The following LRRC71 variants were observed in gnomAD, a reference collection of about 807,000 sequenced individuals.
LRRC71 encodes the protein leucine rich repeat containing 71.
Under a neutral mutation model 66.6 loss-of-function variants are expected in LRRC71, and 54 were observed. That is an observed-to-expected ratio of 0.81 (90% CI 0.65 to 1.02). The LOEUF (loss-of-function observed/expected upper bound fraction) is 1.02, where lower values mean the gene tolerates loss of function less well. LRRC71 is among the 50% of genes least tolerant of loss of function. The pLI is 0.00. For missense variants in LRRC71, 724 were observed against 718.0 expected (o/e 1.01, Z -0.10); for synonymous variants, 323 against 303.9 (o/e 1.06, Z -0.65).
downstream of LRRC71, chr1:156,937,507 A>T (rs765717180): frequency 3.9e-5 from 59 of 1,513,898 alleles, no homozygotes; most frequent in Non-Finnish European, 5.0e-5. Context: ...CTGTCCCCAC[A>T]GTAAGAGAAT....
chr1:156,933,497 TGGA>T (rs1430444079), downstream of LRRC71, among the ~76,000 whole-genome samples: 9 of 152,334 alleles, frequency 5.9e-5, no homozygotes, highest in South Asian at 2.1e-4. Context: ...TTGACTGCTT[TGGA>T]GGAGAGGTAA....
At chr1:156,940,251 C>T in the LRRC71 span, 2 of 1,608,978 alleles carry the variant, frequency 1.2e-6, no homozygotes, top group Admixed American at 1.7e-5. Context: ...GAACAGAGGG[C>T]CTGGGAAGGC....
chr1:156,930,738 AT>A, intron 12 of LRRC71, 121 bp downstream of exon 12: 1 of 905,090 alleles, frequency 1.1e-6, no homozygotes, highest in Non-Finnish European at 1.7e-6. Context: ...GGCAGCAGCC[AT>A]TTGCCTTCAA....
chr1:156,928,497 T>TTCCTCC (rs779080739), intron 9 of LRRC71, among the ~76,000 whole-genome samples: 6 of 144,166 alleles, frequency 4.2e-5, no homozygotes, highest in Non-Finnish European at 7.5e-5. Context: ...CCTCCTCTTC[T>TTCCTCC]TCCTCCTCCT....
intron 10 of LRRC71, 96 bp from the exon 11 acceptor site, chr1:156,929,540 C>T: frequency 6.5e-7 from 1 of 1,545,148 alleles, no homozygotes; most frequent in Non-Finnish European, 8.8e-7. Flanking sequence ...TGAAGTTCCC[C>T]CTAAGGCCCC....
At chr1:156,921,024 T>C in intron 1 of LRRC71, 61 bp downstream of exon 1, 1 of 1,442,920 alleles carries the variant, frequency 6.9e-7, no homozygotes, top group Non-Finnish European at 9.2e-7. Flanking sequence ...GGGTTCCCAC[T>C]AGCTACTCAC....
In LRRC71 at chr1:156,930,510, GCTC is replaced by G. The variant is rs1352595865; in HGVS notation, c.1241-15_1241-13del. The G allele has an allele frequency of 1.3e-6, 2 of 1,551,470 alleles. No individual in the cohort carries two copies. Among genetic ancestry groups the G allele is most frequent in the African/African-American group, 1.4e-5 (1 of 73,038 alleles). On this transcript the variant is annotated splice_polypyrimidine_tract_variant and intron_variant, in intron 11 of 14. Coordinates refer to ENST00000337428, the MANE Select transcript of LRRC71 (RefSeq NM_144702.3). ...TCAGAAGTGTGCACTGTGCATTCTG[GCTC>G]CTCTTCTGGCCCCAGAGGTAACCAT...
At chr1:156,934,341 G>A (rs978140379), downstream of LRRC71, among the ~76,000 whole-genome samples, 4 of 152,142 alleles carry the variant, frequency 2.6e-5, no homozygotes, top group African/African-American at 9.7e-5. Context: ...AGAGGTGAAT[G>A]GTTACAGTCT....
intron 9 of LRRC71, 26 bp downstream of exon 9, chr1:156,928,030 C>G (rs773845400): frequency 1.3e-6 from 2 of 1,565,076 alleles, no homozygotes; most frequent in Non-Finnish European, 1.7e-6. Context: ...GCCCCAGGAC[C>G]AGCCGAGAGC....
the LRRC71 span, chr1:156,940,514 G>A: frequency 8.3e-7 from 1 of 1,203,790 alleles, no homozygotes; most frequent in Non-Finnish European, 1.1e-6. Context: ...CCAAGGGGCT[G>A]GGAACACTGA....
chr1:156,928,417 C>CTCTTAG (rs1295387996), intron 9 of LRRC71, among the ~76,000 whole-genome samples: 1 of 39,030 alleles, frequency 2.6e-5, no homozygotes. Flanking sequence ...CCTCTTATTC[C>CTCTTAG]TCCTCCTCCT....
chr1:156,930,838 T>C (rs1403985471), intron 12 of LRRC71, among the ~76,000 whole-genome samples: 1 of 152,192 alleles, frequency 6.6e-6, no homozygotes, highest in East Asian at 1.9e-4. Flanking sequence ...GCAGACCCCT[T>C]CTATTTTTCC....
At chr1:156,924,206 T>TGC in intron 2 of LRRC71, 108 bp downstream of exon 2, 2 of 1,326,850 alleles carry the variant, frequency 1.5e-6, no homozygotes, top group Non-Finnish European at 2.1e-6. Flanking sequence ...TGTGTGTGTG[T>TGC]GAGTCGGCGG....
chr1:156,921,905 G>T (rs1311280397), intron 1 of LRRC71, among the ~76,000 whole-genome samples: 1 of 152,168 alleles, frequency 6.6e-6, no homozygotes, highest in Non-Finnish European at 1.5e-5. Context: ...AGGCTCCTCA[G>T]AGAAACACTT....
At position 156,931,945 on chromosome 1, in the gene LRRC71, C is replaced by A; in HGVS notation, c.1359C>A (p.Asn453Lys). ...TTGTTGAGGCTACTGAGGTGGTCAA[C>A]CCTCTCCTGGAGCCTGTGGAGCACC... ...ELVVEATEVV[N>K]PLLEPVEHRD... Residue 453 changes from asparagine to lysine, a missense_variant, in exon 13 of 15, where the codon AAC becomes AAA. Physicochemically the swap from Asn to Lys is moderately conservative, Grantham distance 94. Transcript: ENST00000337428. 1 of 1,595,754 alleles carries A rather than the reference C, an allele frequency of 6.3e-7. No homozygotes were observed. Among genetic ancestry groups the A allele is most frequent in the Admixed American group, 1.7e-5 (1 of 57,522 alleles).
rs1321396076 is a variant in LRRC71 at position 156,920,818 on chromosome 1, G to A, written c.15G>A (p.Gln5=). Residue 5 remains glutamine (Q), a synonymous_variant, in exon 1 of 15, where the codon CAG becomes CAA. Coordinates refer to ENST00000337428, the MANE Select transcript of LRRC71 (RefSeq NM_144702.3). This position sits in a 1 kb window ranked among gnomAD's most constrained non-coding sequence, Gnocchi z 4.9. The part of the protein sequence containing the change: MSSE[Q]SAPGASPRAP... ...ACAACACCAGCATGTCGAGCGAGCAGAGCGCGCCGGGGGCCTCACCCAGGG... is the reference window on the plus strand; with the variant it reads ...ACAACACCAGCATGTCGAGCGAGCAAAGCGCGCCGGGGGCCTCACCCAGGG... 1 of 1,529,334 alleles carries A rather than the reference G, an allele frequency of 6.5e-7. No homozygotes were observed. Among genetic ancestry groups the A allele is most frequent in the Admixed American group, 2.1e-5 (1 of 48,152 alleles). The allele number at this position is 1,529,334 out of a possible 1,614,324, so 94.7% of individuals were successfully genotyped here.
At chr1:156,932,603 C>T (rs748914511) in intron 14 of LRRC71, 58 bp downstream of exon 14, 6 of 1,613,912 alleles carry the variant, frequency 3.7e-6, no homozygotes, top group African/African-American at 1.3e-5. Context: ...AGCTGTCATA[C>T]TAGACAGCTG....
chr1:156,931,224 G>A (rs1346523061), intron 12 of LRRC71, among the ~76,000 whole-genome samples: 1 of 152,096 alleles, frequency 6.6e-6, no homozygotes, highest in Non-Finnish European at 1.5e-5. Flanking sequence ...TCAGCTGCCT[G>A]AGCATCCGCC....
downstream of LRRC71, chr1:156,935,796 G>A (rs1654934994): frequency 3.4e-6 from 2 of 593,178 alleles, no homozygotes; most frequent in Non-Finnish European, 5.9e-6. Flanking sequence ...TGGGCTAAGG[G>A]AGGGAAAAGA....
Sources: gnomAD v4.1 joint callset for allele counts (sites outside exome capture counted in the v4.1 genomes callset) on GRCh38, gnomAD v4.1.1 for gene constraint, Gnocchi (gnomAD v3.1) non-coding constraint, MANE v1.5 for transcripts, NCBI Gene and HGNC (gene_info 2026-07-23, HGNC 2026-07-21) for gene names.